The following ESR1 variants were observed in gnomAD, a reference collection of about 807,000 sequenced individuals.
ESR1 encodes the protein estrogen receptor.
Under a neutral mutation model 52.7 loss-of-function variants are expected in ESR1, and 12 were observed. That is an observed-to-expected ratio of 0.23 (90% CI 0.15 to 0.37). The LOEUF (loss-of-function observed/expected upper bound fraction) is 0.37, where lower values mean the gene tolerates loss of function less well. ESR1 is among the 10% of genes least tolerant of loss of function. ESR1 has a pLI of 1.00. For synonymous variants in ESR1, 305 were observed against 316.8 expected, an observed-to-expected ratio of 0.96 and a Z score of 0.39; for missense variants, 584 against 779.7, an observed-to-expected ratio of 0.75 and a Z score of 2.99.
intron 7 of ESR1, among the ~76,000 whole-genome samples, chr6:152,097,577 T>G (rs1185800357): frequency 2.7e-4 from 41 of 152,244 alleles, no homozygotes; most frequent in Non-Finnish European, 2.9e-5. Context: ...ACATATTTCT[T>G]TTAAAAGAAA....
chr6:152,002,970 G>A (rs2042072803), intron 4 of ESR1, among the ~76,000 whole-genome samples: 1 of 151,958 alleles, frequency 6.6e-6, no homozygotes, highest in African/African-American at 2.4e-5. Flanking sequence ...TTGGGGATGA[G>A]GGTGGGGATG....
At chr6:152,055,927 C>T (rs1430824625) in intron 5 of ESR1, among the ~76,000 whole-genome samples, 2 of 152,192 alleles carry the variant, frequency 1.3e-5, no homozygotes, top group African/African-American at 2.4e-5. Context: ...CTGTATCAAA[C>T]AGCCATCAAA....
intron 3 of ESR1, among the ~76,000 whole-genome samples, chr6:151,893,892 A>AT (rs1384515070): frequency 2.0e-5 from 3 of 152,318 alleles, no homozygotes; most frequent in East Asian, 3.9e-4. Context: ...GACTTTCTTA[A>AT]TTTTGAACCT....
rs2035443589 is a variant in ESR1 at position 151,944,187 on chromosome 6, C to T, written c.775C>T (p.Arg259Ter). 6.2e-7 allele frequency: 1 copy of T among 1,613,406 alleles called. No homozygotes were observed. The highest frequency in any genetic ancestry group is 8.5e-7 in the Non-Finnish European group (1 of 1,179,852). ...GMMKGGIRKD[R>*]RGGRMLKHKR... is the part of the protein sequence containing the mutation. ...TGTGTTTTCAGGGATACGAAAAGAC[C>T]GAAGAGGAGGGAGAATGTTGAAACA... Residue 259 changes from arginine to a stop codon, truncating the protein, a stop_gained, in exon 4 of 8, where the codon CGA becomes TGA. Coordinates refer to ENST00000206249, the MANE Select transcript of ESR1 (RefSeq NM_000125.4). LOFTEE classifies it high-confidence loss of function.
intron 3 of ESR1, among the ~76,000 whole-genome samples, chr6:151,923,235 T>A (rs1443731709): frequency 6.6e-6 from 1 of 152,220 alleles, no homozygotes; most frequent in Non-Finnish European, 1.5e-5. Context: ...GTATTTGTCA[T>A]ACATTTAAAT....
intron 2 of ESR1, among the ~76,000 whole-genome samples, chr6:151,783,388 G>A (rs1786731089): frequency 1.3e-5 from 2 of 152,164 alleles, no homozygotes; most frequent in Admixed American, 6.5e-5. Context: ...GGTACATGCA[G>A]GGCAAGACAG....
At chr6:152,004,619 T>C (rs2042196251) in intron 4 of ESR1, among the ~76,000 whole-genome samples, 1 of 151,856 alleles carries the variant, frequency 6.6e-6, no homozygotes, top group African/African-American at 2.4e-5. Flanking sequence ...AGTTGAGATA[T>C]ACTACAGAAA....
intron 3 of ESR1, among the ~76,000 whole-genome samples, chr6:151,938,635 T>C (rs1184285252): frequency 6.6e-6 from 1 of 152,204 alleles, no homozygotes. Context: ...GTGCCCTCTG[T>C]ACCATCTCTC....
intron 4 of ESR1, among the ~76,000 whole-genome samples, chr6:151,986,821 A>T (rs1398262490): frequency 6.6e-6 from 1 of 152,074 alleles, no homozygotes; most frequent in African/African-American, 2.4e-5. Context: ...AAAGAATATG[A>T]ATCATTTGTT....
intron 6 of ESR1, among the ~76,000 whole-genome samples, chr6:152,115,352 T>G (rs1376791815): frequency 6.6e-6 from 1 of 152,180 alleles, no homozygotes; most frequent in Middle Eastern, 3.2e-3. Context: ...TGCTAGAAAA[T>G]TATAACAACA....
chr6:152,114,099 A>C (rs1178316898), intron 6 of ESR1, among the ~76,000 whole-genome samples: 1 of 152,212 alleles, frequency 6.6e-6, no homozygotes, highest in Non-Finnish European at 1.5e-5. Context: ...CCCGTGCCCA[A>C]GCCAGGCTTG....
At chr6:151,721,696 T>A (rs541607491) in intron 2 of ESR1, among the ~76,000 whole-genome samples, 1 of 152,312 alleles carries the variant, frequency 6.6e-6, no homozygotes, top group Non-Finnish European at 1.5e-5. Flanking sequence ...GCTGGGAGAA[T>A]AAGATACTGT....
At chr6:151,697,348 G>A (rs1049175286) in intron 1 of ESR1, among the ~76,000 whole-genome samples, 1 of 152,220 alleles carries the variant, frequency 6.6e-6, no homozygotes, top group African/African-American at 2.4e-5. Flanking sequence ...TCAAAAGATG[G>A]GACTGTGCCA....
intron 3 of ESR1, among the ~76,000 whole-genome samples, chr6:151,939,607 T>C (rs950182583): frequency 6.6e-6 from 1 of 152,112 alleles, no homozygotes; most frequent in South Asian, 2.1e-4. Context: ...TTTTACCTTC[T>C]TCCACTCAAT....
intron 4 of ESR1, among the ~76,000 whole-genome samples, chr6:151,991,483 C>A: frequency 6.6e-6 from 1 of 151,306 alleles, no homozygotes; most frequent in African/African-American, 2.4e-5. Context: ...GCTCCAAATA[C>A]GGTTGAAGGA....
chr6:151,838,921 C>G (rs1321066413), intron 1 of ESR1, among the ~76,000 whole-genome samples: 1 of 152,042 alleles, frequency 6.6e-6, no homozygotes, highest in Non-Finnish European at 1.5e-5. Context: ...TTTGCTATTT[C>G]TGAGGAAAAT....
intron 5 of ESR1, among the ~76,000 whole-genome samples, chr6:152,041,005 A>T (rs1337803868): frequency 6.6e-6 from 1 of 152,210 alleles, no homozygotes; most frequent in African/African-American, 2.4e-5. Context: ...GTCAAAAAGC[A>T]TCTAGTTCAT....
At chr6:151,929,530 CA>C in intron 3 of ESR1, among the ~76,000 whole-genome samples, 1 of 152,150 alleles carries the variant, frequency 6.6e-6, no homozygotes, top group South Asian at 2.1e-4. Flanking sequence ...ACCTAGATGA[CA>C]GGTTAATAGG....
intron 6 of ESR1, among the ~76,000 whole-genome samples, chr6:152,110,527 G>C (rs1283837003): frequency 1.3e-5 from 2 of 152,092 alleles, no homozygotes; most frequent in African/African-American, 2.4e-5. Context: ...GGCCTATCGG[G>C]GGGTGGAGGG....
Sources: gnomAD v4.1 joint callset for allele counts (sites outside exome capture counted in the v4.1 genomes callset) on GRCh38, gnomAD v4.1.1 for gene constraint, MANE v1.5 for transcripts, NCBI Gene and HGNC (gene_info 2026-07-23, HGNC 2026-07-21) for gene names.